Variants in CCDC102B observed in about 807,000 individuals in gnomAD.
The protein encoded by CCDC102B is coiled-coil domain-containing protein 102B.
CCDC102B carries 75 observed loss-of-function variants against 57.4 expected under a neutral mutation model. The observed-to-expected ratio is 1.31, with a 90% CI of 1.08 to 1.58. CCDC102B has a LOEUF of 1.58. Ranked by LOEUF, CCDC102B falls within the 40% of genes most tolerant of loss-of-function variation. The probability of loss-of-function intolerance (pLI) is 0.00; values close to 1 mark genes in which losing one functional copy is unlikely to be tolerated. For synonymous variants in CCDC102B, 206 were observed against 201.9 expected, an observed-to-expected ratio of 1.02 and a Z score of -0.17; for missense variants, 636 against 582.6, an observed-to-expected ratio of 1.09 and a Z score of -0.94.
Position 68,760,221 on chromosome 18 carries a change from G to T in CCDC102B, c.-67+43627G>T, listed in dbSNP as rs140563298. ...TTAAAATAAAAGTTAACAAAAATAA[G>T]TAAAGTAGGCTGGCACAAATTAAAG... On this transcript the variant is annotated intron_variant, in intron 2 of 3. Transcript: ENST00000578970. Among the ~76,000 whole-genome samples the T allele has an allele frequency of 4.6e-5, 7 of 152,118 alleles. No individual in the cohort carries two copies. In the East Asian group the frequency reaches 1.4e-3, roughly 29 times the overall value.
At position 68,936,299 on chromosome 18, in the gene CCDC102B, C is replaced by G. The variant is rs543612899; in HGVS notation, c.1263+38871C>G. On this transcript the variant is annotated intron_variant, in intron 6 of 7. Transcript: ENST00000360242. ...CTGTATTTTCTGTCACATTTTGATA[C>G]AAAAATCCAAATGATATACCTGTTA... Among the ~76,000 whole-genome samples the G allele has an allele frequency of 6.5e-4, 98 of 151,912 alleles. 5 individuals carry two copies. In the South Asian group the frequency reaches 0.02, roughly 31 times the overall value.
In CCDC102B at chr18:68,917,521, G is replaced by C. The variant is rs538141822; in HGVS notation, c.1263+20093G>C. Among the ~76,000 whole-genome samples, 91 of 152,310 alleles carry C rather than the reference G, an allele frequency of 6.0e-4. 2 individuals are homozygous for C. In the South Asian group the frequency reaches 0.018, roughly 31 times the overall value. The stretch of plus-strand genomic sequence containing the variant: ...CATGTTATGACCTTTTCTAATAGCT[G>C]TACCTTACATCCTGTTGTTTCTGTC... On this transcript the variant is annotated intron_variant, in intron 6 of 7. Transcript: ENST00000360242.
chr18:68,717,160 G>A (rs2032069861), intron 2 of CCDC102B, among the ~76,000 whole-genome samples: 1 of 152,044 alleles, frequency 6.6e-6, no homozygotes, highest in Admixed American at 6.6e-5. Context: ...GGGAGGATAA[G>A]TTGGGCCAGG....
At chr18:68,861,653 C>T (rs2038764433) in intron 4 of CCDC102B, among the ~76,000 whole-genome samples, 1 of 152,062 alleles carries the variant, frequency 6.6e-6, no homozygotes, top group Non-Finnish European at 1.5e-5. Flanking sequence ...TATTACTGGC[C>T]TTGTGTGAAT....
chr18:68,915,588 T>A (rs2041042963), intron 6 of CCDC102B, among the ~76,000 whole-genome samples: 2 of 152,212 alleles, frequency 1.3e-5, no homozygotes, highest in East Asian at 3.8e-4. Flanking sequence ...CTTTATTAAA[T>A]AATTATTTTA....
At chr18:68,942,593 T>C (rs12326220) in intron 6 of CCDC102B, among the ~76,000 whole-genome samples, 85,933 of 151,574 alleles carry the variant, frequency 0.57, 26,555 homozygotes, top group Non-Finnish European at 0.68. Flanking sequence ...TTGAGGTGCA[T>C]ATACATAAAC....
intron 6 of CCDC102B, among the ~76,000 whole-genome samples, chr18:68,922,366 G>A (rs1363333562): frequency 6.6e-6 from 1 of 152,170 alleles, no homozygotes; most frequent in African/African-American, 2.4e-5. Flanking sequence ...TTTGGAAATT[G>A]TTGAACTTGT....
intron 1 of CCDC102B, among the ~76,000 whole-genome samples, chr18:68,814,883 TA>T (rs1176616748): frequency 6.6e-6 from 1 of 152,086 alleles, no homozygotes; most frequent in Non-Finnish European, 1.5e-5. Context: ...TAAGGAAAAC[TA>T]ATAATCCAGA....
chr18:68,858,003 G>C (rs1456203358), intron 4 of CCDC102B, among the ~76,000 whole-genome samples: 1 of 152,132 alleles, frequency 6.6e-6, no homozygotes, highest in Admixed American at 6.6e-5. Flanking sequence ...CTAATCTCAG[G>C]TTTTGACTTA....
intron 2 of CCDC102B, among the ~76,000 whole-genome samples, chr18:68,743,237 AAATAAATAAATAAAT>A (rs1555696326): frequency 4.0e-5 from 6 of 150,662 alleles, no homozygotes; most frequent in Non-Finnish European, 8.9e-5. Flanking sequence ...ATAAATAAAT[AAATAAATAAATAAAT>A]AAAAAATTAG....
At position 68,846,531 on chromosome 18, in the gene CCDC102B, A is replaced by G. The variant is rs561294644; in HGVS notation, c.936+110A>G. On this transcript the variant is annotated intron_variant, in intron 4 of 7. Coordinates refer to ENST00000360242, the MANE Select transcript of CCDC102B (RefSeq NM_024781.3). ...AACAGATAAGAGGAAGGGAGGTTAA[A>G]AATTGGAATTTCCTCTATAAGAGTA... 4.3e-5 allele frequency: 26 copies of G among 603,086 alleles called. No individual in the cohort carries two copies. The Admixed American group carries it at 6.2e-4, about 14-fold the overall frequency. The allele number at this position is 603,086 out of a possible 1,614,324, so 37.4% of individuals were successfully genotyped here. A position where few individuals can be genotyped will look rare whatever the true frequency, so the allele number is the denominator to read the frequency against.
intron 2 of CCDC102B, among the ~76,000 whole-genome samples, chr18:68,792,458 A>G (rs2035493000): frequency 6.6e-6 from 1 of 152,226 alleles, no homozygotes; most frequent in African/African-American, 2.4e-5. Context: ...CTTAATGTTC[A>G]TATTTACAAT....
chr18:68,886,969 G>A (rs938818291), intron 5 of CCDC102B, among the ~76,000 whole-genome samples: 2 of 123,010 alleles, frequency 1.6e-5, no homozygotes, highest in African/African-American at 5.3e-5. Context: ...AATGACTTAT[G>A]AGGCAATCCC....
intron 2 of CCDC102B, among the ~76,000 whole-genome samples, chr18:68,741,882 A>G (rs545178958): frequency 6.6e-6 from 1 of 152,314 alleles, no homozygotes; most frequent in Non-Finnish European, 1.5e-5. Flanking sequence ...TCCCATAGGT[A>G]GTTTGAAATT....
intron 6 of CCDC102B, among the ~76,000 whole-genome samples, chr18:69,010,025 G>A (rs1297176060): frequency 7.3e-6 from 1 of 137,098 alleles, no homozygotes; most frequent in Non-Finnish European, 1.5e-5. Context: ...TCCAGCTCCC[G>A]GGTTCACGCC....
intron 6 of CCDC102B, among the ~76,000 whole-genome samples, chr18:68,994,712 G>A (rs1276591290): frequency 6.6e-6 from 1 of 152,144 alleles, no homozygotes; most frequent in Non-Finnish European, 1.5e-5. Flanking sequence ...TGACATGATT[G>A]TGAGTTTCCA....
intron 6 of CCDC102B, among the ~76,000 whole-genome samples, chr18:68,909,096 A>AAAAAAAG (rs1568324535): frequency 6.8e-6 from 1 of 147,422 alleles, no homozygotes; most frequent in Non-Finnish European, 1.5e-5. Context: ...ATGGTTAAAA[A>AAAAAAAG]AAAAAAAAGA....
At chr18:69,033,694 G>A (rs1203904054) in intron 7 of CCDC102B, among the ~76,000 whole-genome samples, 1 of 151,770 alleles carries the variant, frequency 6.6e-6, no homozygotes, top group Non-Finnish European at 1.5e-5. Context: ...TTATTTTTGT[G>A]TAGATGTATG....
At chr18:68,842,002 G>A (rs2037656265) in intron 3 of CCDC102B, among the ~76,000 whole-genome samples, 1 of 152,034 alleles carries the variant, frequency 6.6e-6, no homozygotes, top group Non-Finnish European at 1.5e-5. Context: ...GCTTCCCAAA[G>A]TGCTAGGATT....
Sources: allele counts gnomAD v4.1 joint callset (sites outside exome capture counted in the v4.1 genomes callset), GRCh38; gene constraint gnomAD v4.1.1; transcripts MANE v1.5; gene names NCBI Gene and HGNC (gene_info 2026-07-23, HGNC 2026-07-21).